Variants in ERICH1 observed in about 807,000 individuals in gnomAD.
ERICH1 encodes glutamate-rich protein 1.
A neutral mutation model predicts 39.6 loss-of-function variants in ERICH1; 56 were observed. That is an observed-to-expected ratio of 1.41 (90% confidence interval 1.14 to 1.77). The LOEUF is 1.77. Among genes scored for constraint, ERICH1 ranks in the 40% most tolerant of loss-of-function variants. The pLI, the probability that ERICH1 is intolerant of heterozygous loss-of-function variation, is 0.00. For synonymous variants in ERICH1, 313 were observed against 223.6 expected, an observed-to-expected ratio of 1.40 and a Z score of -3.57; for missense variants, 826 against 575.4, an observed-to-expected ratio of 1.44 and a Z score of -4.45.
At chr8:692,842 G>A (rs3735917) in intron 2 of ERICH1, among the ~76,000 whole-genome samples, 37,761 of 152,118 alleles carry the variant, frequency 0.25, 5,064 homozygotes, top group Middle Eastern at 0.43. Context: ...GCCCATGATT[G>A]TTTGAATTCA....
At chr8:642,591 G>A (rs573616385) in intron 3 of ERICH1, among the ~76,000 whole-genome samples, 9 of 151,958 alleles carry the variant, frequency 5.9e-5, no homozygotes, top group South Asian at 4.2e-4. Context: ...TGATCTGCCC[G>A]CCTCGGCCTC....
At chr8:631,730 C>T (rs540407530) in intron 3 of ERICH1, among the ~76,000 whole-genome samples, 94 of 152,248 alleles carry the variant, frequency 6.2e-4, no homozygotes, top group African/African-American at 2.2e-3. Flanking sequence ...CTGGTGCAGC[C>T]GTCCACACCA....
intron 3 of ERICH1, among the ~76,000 whole-genome samples, chr8:691,908 C>T (rs1436509761): frequency 1.3e-5 from 2 of 152,140 alleles, no homozygotes; most frequent in Admixed American, 6.5e-5. Flanking sequence ...CAACTATTTC[C>T]CTTTTAAGGT....
At chr8:692,237 T>A (rs1011828101) in intron 3 of ERICH1, among the ~76,000 whole-genome samples, 1 of 152,228 alleles carries the variant, frequency 6.6e-6, no homozygotes, top group Non-Finnish European at 1.5e-5. Flanking sequence ...GCTATAGTCA[T>A]ATTCCCACTT....
intron 3 of ERICH1, among the ~76,000 whole-genome samples, chr8:640,431 AGAG>A (rs1335303403): frequency 2.6e-5 from 4 of 152,226 alleles, no homozygotes; most frequent in Admixed American, 6.5e-5. Flanking sequence ...TTACTATGAA[AGAG>A]GAGATTTACT....
At chr8:723,504 C>G (rs535295179) in intron 1 of ERICH1, among the ~76,000 whole-genome samples, 84 of 152,214 alleles carry the variant, frequency 5.5e-4, no homozygotes, top group Non-Finnish European at 1.1e-3. Context: ...CTTCACCTGT[C>G]ATATTAGAGA....
chr8:636,137 G>C (rs954283588), intron 3 of ERICH1, among the ~76,000 whole-genome samples: 1 of 152,188 alleles, frequency 6.6e-6, no homozygotes, highest in Non-Finnish European at 1.5e-5. Flanking sequence ...AATGTCTGGC[G>C]CGCTCTAAGG....
intron 3 of ERICH1, among the ~76,000 whole-genome samples, chr8:652,822 A>G (rs1157359037): frequency 6.6e-6 from 1 of 152,224 alleles, no homozygotes; most frequent in African/African-American, 2.4e-5. Context: ...AAGAAGATAG[A>G]CAAAGGTCAA....
In ERICH1 at chr8:668,630, T is replaced by A. The variant is rs900801691; in HGVS notation, c.1226A>T (p.Glu409Val). The A allele has an allele frequency of 1.2e-5, 19 of 1,614,086 alleles. No homozygotes were observed. The highest frequency in any genetic ancestry group is 1.2e-4 in the Admixed American group (7 of 60,000). ...CATCGTGCAATGTTCTGGGAACATTTCCAGAGCATGCTTCAATCTCTCAGT... is the reference window on the plus strand; with the variant it reads ...CATCGTGCAATGTTCTGGGAACATTACCAGAGCATGCTTCAATCTCTCAGT... ...QDTERLKHALEMFPEHCTMPP... is the reference protein window; with the variant it reads ...QDTERLKHALVMFPEHCTMPP... Residue 409 changes from glutamate (E) to valine (V), a missense_variant, in exon 5 of 6, where the codon GAA (glutamate) becomes GTA (valine). Coordinates refer to ENST00000262109, the MANE Select transcript of ERICH1 (RefSeq NM_207332.3).
At chr8:662,768 C>T (rs1349120800), downstream of ERICH1, among the ~76,000 whole-genome samples, 1 of 152,128 alleles carries the variant, frequency 6.6e-6, no homozygotes, top group Non-Finnish European at 1.5e-5. Flanking sequence ...AGGCAGGAGT[C>T]CGGCTTGGAC....
At chr8:623,997 T>A (rs778729326) in intron 3 of ERICH1, among the ~76,000 whole-genome samples, 6 of 152,152 alleles carry the variant, frequency 3.9e-5, no homozygotes, top group Non-Finnish European at 8.8e-5. Context: ...AAATCATATA[T>A]CTAATCTAAC....
chr8:711,356 A>G (rs1311641032), intron 2 of ERICH1, among the ~76,000 whole-genome samples: 4 of 152,176 alleles, frequency 2.6e-5, no homozygotes, highest in African/African-American at 4.8e-5. Flanking sequence ...TCAACTGGAC[A>G]TCTACTTATC....
downstream of ERICH1, among the ~76,000 whole-genome samples, chr8:663,451 G>T (rs1014539668): frequency 3.9e-5 from 6 of 152,094 alleles, no homozygotes; most frequent in Non-Finnish European, 8.8e-5. Context: ...CCAGGCGACC[G>T]TGCAGTTCCA....
intron 3 of ERICH1, among the ~76,000 whole-genome samples, chr8:679,184 C>T (rs77663604): frequency 0.017 from 2,432 of 146,786 alleles, 63 homozygotes; most frequent in African/African-American, 0.059. Flanking sequence ...CAGCACCCAC[C>T]CCTCAAAGCT....
At chr8:620,186 C>A (rs1430573719) in intron 3 of ERICH1, among the ~76,000 whole-genome samples, 1 of 152,060 alleles carries the variant, frequency 6.6e-6, no homozygotes, top group Non-Finnish European at 1.5e-5. Flanking sequence ...GTGGCGCACA[C>A]CTGTAATCCC....
rs969085562 is a variant in ERICH1 at position 716,393 on chromosome 8, G to A, written c.23-386C>T. Among the ~76,000 whole-genome samples, 12 of 152,368 alleles carry A rather than the reference G, an allele frequency of 7.9e-5. No individual in the cohort carries two copies. In the East Asian group the frequency reaches 1.9e-3, roughly 25 times the overall value. ...GTGGGGGCTGTGGTCCTGGGTGGAC[G>A]GTGTCAGTGGCCCACAGTGCTTGGA... On this transcript the variant is annotated intron_variant, in intron 1 of 5. Coordinates refer to ENST00000262109, the MANE Select transcript of ERICH1 (RefSeq NM_207332.3).
chr8:710,446 G>A (rs1057125075), intron 2 of ERICH1, among the ~76,000 whole-genome samples: 1 of 149,438 alleles, frequency 6.7e-6, no homozygotes, highest in African/African-American at 2.5e-5. Flanking sequence ...CGGTTTCACT[G>A]TCCTGCAAGT....
chr8:716,666 G>C (rs1268879174), intron 1 of ERICH1, among the ~76,000 whole-genome samples: 1 of 152,214 alleles, frequency 6.6e-6, no homozygotes, highest in Non-Finnish European at 1.5e-5. Context: ...TTTCTGCCCT[G>C]ATTTAAGTGT....
intron 3 of ERICH1, among the ~76,000 whole-genome samples, chr8:641,673 C>T (rs912600179): frequency 3.3e-5 from 5 of 152,206 alleles, no homozygotes; most frequent in African/African-American, 4.8e-5. Context: ...ACGCAGCGGC[C>T]GTCACGCCTG....
Sources: allele counts gnomAD v4.1 joint callset (sites outside exome capture counted in the v4.1 genomes callset), GRCh38; gene constraint gnomAD v4.1.1; transcripts MANE v1.5; gene names NCBI Gene and HGNC (gene_info 2026-07-23, HGNC 2026-07-21).